DTD1: variants seen among roughly 807,000 people sequenced by gnomAD.
DTD1 encodes the protein D-tyrosyl-tRNA deacylase 1 homolog.
In DTD1, 13 loss-of-function variants were observed where a neutral mutation model predicts 25.6. The ratio of observed to expected loss-of-function variants is 0.51; its 90% confidence interval spans 0.33 to 0.81. The LOEUF is 0.81. Ranked by LOEUF, DTD1 falls within the 30% of genes least tolerant of loss-of-function variation. DTD1 has a pLI of 0.02. For synonymous variants in DTD1, 110 were observed against 103.6 expected, an observed-to-expected ratio of 1.06 and a Z score of -0.37; for missense variants, 193 against 266.4, an observed-to-expected ratio of 0.72 and a Z score of 1.92.
At chr20:18,636,790 G>C (rs138561574) in intron 4 of DTD1, among the ~76,000 whole-genome samples, 3 of 152,310 alleles carry the variant, frequency 2.0e-5, no homozygotes, top group Non-Finnish European at 2.9e-5. Flanking sequence ...GAAGAGGCTG[G>C]TGGACTGGGG....
intron 4 of DTD1, among the ~76,000 whole-genome samples, chr20:18,660,188 CA>C (rs557722842): frequency 4.9e-4 from 74 of 152,226 alleles, no homozygotes; most frequent in African/African-American, 1.7e-3. Flanking sequence ...GCCTGGGAGC[CA>C]GAGCGAGACT....
intron 5 of DTD1, among the ~76,000 whole-genome samples, chr20:18,746,654 C>T (rs1188940034): frequency 2.0e-5 from 3 of 152,170 alleles, no homozygotes; most frequent in Non-Finnish European, 4.4e-5. Context: ...ATGATTGCAG[C>T]ACTGCACTCC....
intron 4 of DTD1, among the ~76,000 whole-genome samples, chr20:18,677,301 C>CTG (rs1190649293): frequency 2.0e-5 from 3 of 151,766 alleles, no homozygotes; most frequent in Non-Finnish European, 4.4e-5. Context: ...TGGACTGGAG[C>CTG]TGTGACTGTT....
chr20:18,647,853 A>G (rs1393558824), intron 4 of DTD1, among the ~76,000 whole-genome samples: 1 of 152,164 alleles, frequency 6.6e-6, no homozygotes, highest in Non-Finnish European at 1.5e-5. Flanking sequence ...GGAGGCAGAA[A>G]GACCTGAAAG....
At position 18,635,282 on chromosome 20, in the gene DTD1, A is replaced by G. The variant is rs565614965; in HGVS notation, c.477+7049A>G. On this transcript the variant is annotated intron_variant, in intron 4 of 5. Coordinates refer to ENST00000377452, the MANE Select transcript of DTD1 (RefSeq NM_080820.6). ...GTTTATGCTGAAGTATCACCAAAAC[A>G]GAAGTGGGAACTCAGCAAAGCGTCC... Among the ~76,000 whole-genome samples, 121 of 152,392 alleles carry G rather than the reference A, an allele frequency of 7.9e-4. 1 individual carries two copies. Among genetic ancestry groups the G allele is most frequent in the African/African-American group, 2.5e-3 (106 of 41,598 alleles).
chr20:18,640,224 A>C (rs958564067), intron 4 of DTD1, among the ~76,000 whole-genome samples: 12 of 152,136 alleles, frequency 7.9e-5, no homozygotes, highest in African/African-American at 2.9e-4. Context: ...AAGCTTTTAT[A>C]GTATTCCTGG....
intron 4 of DTD1, among the ~76,000 whole-genome samples, chr20:18,725,256 A>G (rs936631837): frequency 1.3e-5 from 2 of 152,090 alleles, no homozygotes; most frequent in African/African-American, 4.8e-5. Context: ...AGGGGCAGTA[A>G]CTCCGTGGTG....
At chr20:18,704,089 C>T (rs1008206237) in intron 4 of DTD1, among the ~76,000 whole-genome samples, 1 of 151,976 alleles carries the variant, frequency 6.6e-6, no homozygotes, top group Non-Finnish European at 1.5e-5. Flanking sequence ...CAAGCTCCGC[C>T]TCTGGGGTTC....
intron 3 of DTD1, among the ~76,000 whole-genome samples, chr20:18,601,585 G>A (rs1485296629): frequency 4.0e-5 from 6 of 151,302 alleles, no homozygotes; most frequent in South Asian, 2.1e-4. Context: ...CTGAGAACCG[G>A]CAGACTGCCT....
At chr20:18,627,541 C>G (rs375461346) in intron 3 of DTD1, among the ~76,000 whole-genome samples, 1 of 152,176 alleles carries the variant, frequency 6.6e-6, no homozygotes, top group Non-Finnish European at 1.5e-5. Context: ...CTGTTGGGCA[C>G]GCAGCAGCCT....
At chr20:18,747,855 C>CGA (rs1555804321) in intron 5 of DTD1, among the ~76,000 whole-genome samples, 1 of 142,394 alleles carries the variant, frequency 7.0e-6, no homozygotes, top group Non-Finnish European at 1.5e-5. Flanking sequence ...ATAAAAAATA[C>CGA]AAAAAAAAAA....
intron 3 of DTD1, among the ~76,000 whole-genome samples, chr20:18,601,332 C>T (rs541534532): frequency 7.9e-5 from 12 of 152,138 alleles, no homozygotes; most frequent in Non-Finnish European, 1.5e-4. Context: ...AACCCAATTT[C>T]TATGAAAAAT....
chr20:18,589,596 G>C (rs1309357245), intron 1 of DTD1, among the ~76,000 whole-genome samples: 1 of 152,164 alleles, frequency 6.6e-6, no homozygotes, highest in African/African-American at 2.4e-5. Flanking sequence ...CATTTCTGTA[G>C]ATATTTAAAT....
intron 3 of DTD1, among the ~76,000 whole-genome samples, chr20:18,597,263 C>T (rs896670425): frequency 2.6e-5 from 4 of 151,256 alleles, no homozygotes; most frequent in Admixed American, 2.6e-4. Flanking sequence ...AAGTTTTTAA[C>T]ATTCATGAAT....
chr20:18,719,560 G>A (rs1028779849), intron 4 of DTD1, among the ~76,000 whole-genome samples: 8 of 152,230 alleles, frequency 5.3e-5, no homozygotes, highest in Admixed American at 1.3e-4. Context: ...GGAAACAGGC[G>A]TTGTTTGTGG....
At chr20:18,659,279 G>A (rs2122368162) in intron 4 of DTD1, among the ~76,000 whole-genome samples, 1 of 152,282 alleles carries the variant, frequency 6.6e-6, no homozygotes, top group East Asian at 1.9e-4. Context: ...GCCCAGCACT[G>A]GTTTGCACCT....
At chr20:18,630,734 G>A (rs899261276) in intron 4 of DTD1, 6 of 152,160 alleles carry the variant, frequency 3.9e-5, no homozygotes, top group African/African-American at 1.4e-4. Context: ...GCATTTAGTT[G>A]TCATTTCTGC....
chr20:18,721,462 T>C (rs1485681476), intron 4 of DTD1, among the ~76,000 whole-genome samples: 1 of 152,254 alleles, frequency 6.6e-6, no homozygotes, highest in Non-Finnish European at 1.5e-5. Flanking sequence ...GTTAATACTT[T>C]GTTTAGGAGT....
At chr20:18,644,243 T>C (rs902429778) in intron 4 of DTD1, among the ~76,000 whole-genome samples, 1 of 141,232 alleles carries the variant, frequency 7.1e-6, no homozygotes, top group Non-Finnish European at 1.6e-5. Flanking sequence ...ACTAGATCTG[T>C]ACAGAGAATG....
Sources: gnomAD v4.1 joint callset for allele counts (sites outside exome capture counted in the v4.1 genomes callset) on GRCh38, gnomAD v4.1.1 for gene constraint, MANE v1.5 for transcripts, NCBI Gene and HGNC (gene_info 2026-07-23, HGNC 2026-07-21) for gene names.